RAI2: variants seen among roughly 807,000 people sequenced by gnomAD.
The protein encoded by RAI2 is retinoic acid-induced protein 2.
A neutral mutation model predicts 15.3 loss-of-function variants in RAI2; 5 were observed. The ratio of observed to expected loss-of-function variants is 0.33; its 90% CI spans 0.17 to 0.69. The LOEUF is 0.69. RAI2 is among the 30% of genes least tolerant of loss of function. RAI2 has a pLI of 0.69. For synonymous variants in RAI2, 191 were observed against 184.0 expected, an observed-to-expected ratio of 1.04 and a Z score of -0.31; for missense variants, 424 against 424.7, an observed-to-expected ratio of 1.00 and a Z score of 0.01.
chrX:17,807,509 T>C (rs2066994445), intron 1 of RAI2, among the ~76,000 whole-genome samples: 1 of 111,864 alleles, frequency 8.9e-6, no homozygotes, highest in Admixed American at 9.5e-5. Flanking sequence ...GGCAGGGACA[T>C]TAAAGCTGAC....
intron 1 of RAI2, among the ~76,000 whole-genome samples, chrX:17,841,580 T>C (rs1004755930): frequency 1.1e-4 from 12 of 112,567 alleles, no homozygotes; most frequent in Non-Finnish European, 3.8e-5. Flanking sequence ...ATAGGGACAA[T>C]ACGTGTACAA....
At position 17,830,774 on chromosome X, in the gene RAI2, A is replaced by G. The variant is rs756718614; in HGVS notation, c.-24-28740T>C. Among the ~76,000 whole-genome samples, 68 of 111,499 alleles carry G rather than the reference A, an allele frequency of 6.1e-4. 1 individual carries two copies. The highest frequency in any genetic ancestry group is 2.1e-3 in the African/African-American group (64 of 30,685). ...TGTTATACCTCCACAACCTGTCACA[A>G]GCTAGGCTAGAAAAAGCTGCATAAT... On this transcript the variant is annotated intron_variant, in intron 1 of 1. Transcript: ENST00000451717.
intron 1 of RAI2, among the ~76,000 whole-genome samples, chrX:17,820,568 C>A (rs2067153112): frequency 8.9e-6 from 1 of 111,912 alleles, no homozygotes. Context: ...AAGTCACACC[C>A]ATACACCTTC....
intron 1 of RAI2, among the ~76,000 whole-genome samples, chrX:17,825,773 T>C (rs775110014): frequency 1.3e-4 from 15 of 112,815 alleles, no homozygotes; most frequent in Non-Finnish European, 2.6e-4. Flanking sequence ...CCCTGAAAAC[T>C]GACCAAAGCA....
intron 1 of RAI2, among the ~76,000 whole-genome samples, chrX:17,832,438 G>A (rs1049305490): frequency 8.0e-5 from 9 of 112,200 alleles, no homozygotes; most frequent in Admixed American, 3.8e-4. Context: ...TGGAGGGAGG[G>A]GGCAGCCTTC....
intron 1 of RAI2, among the ~76,000 whole-genome samples, chrX:17,857,669 C>A (rs1015138944): frequency 9.0e-6 from 1 of 110,734 alleles, no homozygotes; most frequent in Non-Finnish European, 1.9e-5. Flanking sequence ...CCCAACCAAA[C>A]GTACAAATCT....
intron 1 of RAI2, chrX:17,860,783 G>A (rs1363632208): frequency 9.3e-6 from 1 of 107,644 alleles, no homozygotes; most frequent in African/African-American, 3.3e-5. Flanking sequence ...CCACTTCGGG[G>A]CCCCCGCCCC....
At chrX:17,855,553 C>G (rs1294339804) in intron 1 of RAI2, among the ~76,000 whole-genome samples, 1 of 111,519 alleles carries the variant, frequency 9.0e-6, no homozygotes, top group Non-Finnish European at 1.9e-5. Flanking sequence ...CATCATGGCA[C>G]CTGAGCTACT....
At position 17,801,749 on chromosome X, in the gene RAI2, C is replaced by A; in HGVS notation, c.262G>T (p.Val88Leu). ...LQPLCLGESPVVMPIHMQVEG... is the reference protein window; with the variant it reads ...LQPLCLGESPLVMPIHMQVEG... ...ACCTGCATGTGAATGGGCATCACCA[C>A]TGGGCTCTCCCCGAGGCACAGGGGC... The change falls in exon 2 of 2, where the codon GTG becomes TTG. Residue 88 changes from valine (V) to leucine (L), a missense_variant. By Grantham distance (32) the Val-to-Leu change is conservative. Transcript: ENST00000451717. 1 of 1,212,150 alleles carries A rather than the reference C, an allele frequency of 8.2e-7. No homozygotes were observed. Among genetic ancestry groups the A allele is most frequent in the Non-Finnish European group, 1.1e-6 (1 of 895,650 alleles).
intron 1 of RAI2, among the ~76,000 whole-genome samples, chrX:17,821,168 C>CT (rs1362166927): frequency 2.7e-5 from 3 of 112,247 alleles, no homozygotes; most frequent in Non-Finnish European, 5.6e-5. Context: ...ACATGGTCCA[C>CT]TTTTTTGGTT....
chrX:17,839,042 C>T (rs1462024409), intron 1 of RAI2, among the ~76,000 whole-genome samples: 2 of 112,187 alleles, frequency 1.8e-5, no homozygotes, highest in African/African-American at 6.5e-5. Context: ...TCATCATCAT[C>T]ATCATCATCA....
intron 1 of RAI2, among the ~76,000 whole-genome samples, chrX:17,856,076 G>A (rs2067599247): frequency 8.9e-6 from 1 of 112,209 alleles, no homozygotes; most frequent in Admixed American, 9.4e-5. Context: ...CCAAAAAGTT[G>A]TGGGAAGAGG....
chrX:17,851,936 C>T (rs759146447), intron 1 of RAI2, among the ~76,000 whole-genome samples: 1 of 112,289 alleles, frequency 8.9e-6, no homozygotes, highest in East Asian at 2.8e-4. Context: ...TTTTTCACAG[C>T]CATTTCCATT....
At chrX:17,834,758 G>A (rs1036810254) in intron 1 of RAI2, among the ~76,000 whole-genome samples, 1 of 111,301 alleles carries the variant, frequency 9.0e-6, no homozygotes, top group Non-Finnish European at 1.9e-5. Flanking sequence ...AGAAGGCAGG[G>A]TAAGAGAAGA....
chrX:17,838,576 T>A (rs1410621648), intron 1 of RAI2, among the ~76,000 whole-genome samples: 2 of 109,984 alleles, frequency 1.8e-5, no homozygotes, highest in South Asian at 4.0e-4. Flanking sequence ...AAACTCAACA[T>A]GAGCCCAGAG....
intron 1 of RAI2, among the ~76,000 whole-genome samples, chrX:17,841,804 A>C (rs1315964224): frequency 8.9e-6 from 1 of 112,169 alleles, no homozygotes; most frequent in Non-Finnish European, 1.9e-5. Context: ...GCAGTAGAAG[A>C]AGCACAAGAA....
chrX:17,817,916 A>T (rs1314675119), intron 1 of RAI2, among the ~76,000 whole-genome samples: 4 of 111,684 alleles, frequency 3.6e-5, no homozygotes, highest in African/African-American at 1.3e-4. Context: ...TTGGTGCCCT[A>T]TATAATTGAT....
chrX:17,817,973 G>A (rs1432724359), intron 1 of RAI2, among the ~76,000 whole-genome samples: 1 of 111,915 alleles, frequency 8.9e-6, no homozygotes, highest in East Asian at 2.8e-4. Context: ...CTCCTGCACT[G>A]GGTTCTTCTC....
chrX:17,854,277 A>G (rs1246392646), intron 1 of RAI2, among the ~76,000 whole-genome samples: 1 of 112,085 alleles, frequency 8.9e-6, no homozygotes, highest in East Asian at 2.8e-4. Context: ...ATTAATAGTA[A>G]GCAAAAGAAT....
Sources: allele counts gnomAD v4.1 joint callset (sites outside exome capture counted in the v4.1 genomes callset), GRCh38; gene constraint gnomAD v4.1.1; transcripts MANE v1.5; gene names NCBI Gene and HGNC (gene_info 2026-07-23, HGNC 2026-07-21).